Variants in PCDH15 observed in about 807,000 individuals in gnomAD.
PCDH15 encodes the protein protocadherin-15.
Under a neutral mutation model 178.5 loss-of-function variants are expected in PCDH15, and 129 were observed. That is an observed-to-expected ratio of 0.72 (90% CI 0.63 to 0.84). The LOEUF is 0.84. Among genes scored for constraint, PCDH15 ranks in the 40% least tolerant of loss-of-function variants. The pLI is 0.00. For synonymous variants in PCDH15, 800 were observed against 732.0 expected, an observed-to-expected ratio of 1.09 and a Z score of -1.50; for missense variants, 2,230 against 2,099.9, an observed-to-expected ratio of 1.06 and a Z score of -1.21.
At chr10:54,931,871 A>G (rs1837786721) in intron 2 of PCDH15, among the ~76,000 whole-genome samples, 1 of 152,146 alleles carries the variant, frequency 6.6e-6, no homozygotes, top group Admixed American at 6.6e-5. Context: ...TGCATTGTTC[A>G]GAATCATTAA....
chr10:54,796,258 C>CTATT lies in PCDH15; in HGVS notation c.-29+4666_-29+4667insAATA, dbSNP rs1361495452. On this transcript the variant is annotated intron_variant, in intron 1 of 37. Coordinates refer to ENST00000644397, the MANE Select transcript of PCDH15 (RefSeq NM_001384140.1). The stretch of plus-strand genomic sequence containing the variant: ...TCTATCTATCTATCTATCTATCTAT[C>CTATT]TATCTATCTATCTATGTATCTATGT... Among the ~76,000 whole-genome samples the CTATT allele has an allele frequency of 6.5e-5, 7 of 107,452 alleles. No individual in the cohort carries two copies. In the East Asian group the frequency reaches 1.7e-3, roughly 27 times the overall value. The allele number at this position is 107,452 out of a possible 152,430, so 70.5% of individuals were successfully genotyped here.
intron 1 of PCDH15, among the ~76,000 whole-genome samples, chr10:54,726,864 A>C (rs572660728): frequency 2.7e-4 from 41 of 151,410 alleles, no homozygotes; most frequent in Middle Eastern, 3.4e-3. Context: ...GAAAAAAAAA[A>C]CAGAGTAAAC....
rs1435590369 is a variant in PCDH15, at chr10:53,840,485, C to G, written c.3818G>C (p.Arg1273Pro). ...KIEDLTEILD[R>P]YVQEQIPGAK... ...ACCAGGAATTTGTTCCTGAACATAG[C>G]GATCCAAGATCCTATAAATCAAACA... The change falls in exon 29 of 38, where the codon CGC (arginine) becomes CCC (proline). Residue 1273 changes from arginine (R) to proline (P), a missense_variant. Physicochemically the swap from Arg to Pro is moderately radical, Grantham distance 103. Transcript: ENST00000644397. 2 of 1,613,526 alleles carry G rather than the reference C, an allele frequency of 1.2e-6. No individual in the cohort carries two copies. The highest frequency in any genetic ancestry group is 1.7e-6 in the Non-Finnish European group (2 of 1,179,696).
At chr10:54,354,108 C>T (rs946911839) in intron 5 of PCDH15, among the ~76,000 whole-genome samples, 1 of 152,186 alleles carries the variant, frequency 6.6e-6, no homozygotes, top group Admixed American at 6.5e-5. Context: ...GCCTCAGCCT[C>T]CCAAGTAGCT....
intron 26 of PCDH15, among the ~76,000 whole-genome samples, chr10:53,880,272 C>T (rs1344122880): frequency 1.3e-5 from 2 of 152,110 alleles, no homozygotes; most frequent in Admixed American, 1.3e-4. Context: ...AAATTTGCAA[C>T]AGAGCAGGAA....
chr10:55,241,113 G>A (rs1841531211), intron 1 of PCDH15, among the ~76,000 whole-genome samples: 1 of 152,116 alleles, frequency 6.6e-6, no homozygotes, highest in Non-Finnish European at 1.5e-5. Context: ...CTACTCAGGA[G>A]GCTGAGACAG....
At chr10:55,225,176 T>A (rs957823778) in intron 1 of PCDH15, among the ~76,000 whole-genome samples, 1 of 152,042 alleles carries the variant, frequency 6.6e-6, no homozygotes, top group Non-Finnish European at 1.5e-5. Flanking sequence ...GAAATAACAC[T>A]TAGTAACAAA....
intron 2 of PCDH15, among the ~76,000 whole-genome samples, chr10:54,652,170 A>G (rs531565360): frequency 1.3e-5 from 2 of 152,230 alleles, no homozygotes; most frequent in Non-Finnish European, 2.9e-5. Context: ...ATCTGGTCAC[A>G]TTTTATCTTC....
At chr10:54,155,592 G>A (rs7905574) in intron 13 of PCDH15, among the ~76,000 whole-genome samples, 50,086 of 151,704 alleles carry the variant, frequency 0.33, 8,820 homozygotes, top group African/African-American at 0.43. Context: ...GTAGTCCACC[G>A]TCAGAAAAAT....
At chr10:55,216,878 T>A (rs897141995) in intron 1 of PCDH15, among the ~76,000 whole-genome samples, 8 of 151,806 alleles carry the variant, frequency 5.3e-5, no homozygotes, top group Non-Finnish European at 4.4e-5. Flanking sequence ...TAGACATTTG[T>A]TTTTTTCTCC....
chr10:54,518,388 G>A (rs553440764), intron 3 of PCDH15, among the ~76,000 whole-genome samples: 6 of 151,962 alleles, frequency 3.9e-5, no homozygotes, highest in African/African-American at 1.2e-4. Flanking sequence ...TATCACCACC[G>A]ATCCCACAGA....
chr10:55,052,519 CG>C (rs1329389438), intron 2 of PCDH15, among the ~76,000 whole-genome samples: 3 of 642 alleles, frequency 4.7e-3, no homozygotes, highest in Non-Finnish European at 0.016. Flanking sequence ...GGCAACATGG[CG>C]AAAACCCCGT....
chr10:55,069,161 C>T (rs1370848272), intron 2 of PCDH15, among the ~76,000 whole-genome samples: 1 of 151,490 alleles, frequency 6.6e-6, no homozygotes, highest in Non-Finnish European at 1.5e-5. Flanking sequence ...CCACCTTGGC[C>T]TCTCAAAGTG....
chr10:54,492,211 C>A (rs928733102), intron 3 of PCDH15, among the ~76,000 whole-genome samples: 1 of 152,126 alleles, frequency 6.6e-6, no homozygotes, highest in African/African-American at 2.4e-5. Context: ...ACGTGTCAAC[C>A]TGAACAGACA....
chr10:54,053,618 A>T (rs2093823982), intron 18 of PCDH15, among the ~76,000 whole-genome samples: 1 of 152,156 alleles, frequency 6.6e-6, no homozygotes, highest in South Asian at 2.1e-4. Flanking sequence ...AAAATGGAGA[A>T]AAAGAAAATC....
At chr10:54,844,419 T>G (rs1953469462) in intron 3 of PCDH15, among the ~76,000 whole-genome samples, 1 of 151,990 alleles carries the variant, frequency 6.6e-6, no homozygotes, top group African/African-American at 2.4e-5. Flanking sequence ...AACAGAAATT[T>G]AGGCATATGC....
chr10:54,172,330 C>T (rs1359182002), intron 13 of PCDH15, among the ~76,000 whole-genome samples: 3 of 151,904 alleles, frequency 2.0e-5, no homozygotes, highest in African/African-American at 4.8e-5. Flanking sequence ...CGCCAGAGAA[C>T]AAACCCCCTT....
intron 2 of PCDH15, among the ~76,000 whole-genome samples, chr10:54,622,741 A>C (rs1484435637): frequency 2.5e-5 from 1 of 40,496 alleles, no homozygotes; most frequent in Non-Finnish European, 5.5e-5. Flanking sequence ...AATTATATAT[A>C]TATTATATAT....
At chr10:54,951,927 T>C (rs946859213) in intron 2 of PCDH15, among the ~76,000 whole-genome samples, 2 of 151,854 alleles carry the variant, frequency 1.3e-5, no homozygotes, top group Non-Finnish European at 2.9e-5. Context: ...TAATTATTTA[T>C]ATATTTGGAA....
Sources: allele counts gnomAD v4.1 joint callset (sites outside exome capture counted in the v4.1 genomes callset), GRCh38; gene constraint gnomAD v4.1.1; transcripts MANE v1.5; gene names NCBI Gene and HGNC (gene_info 2026-07-23, HGNC 2026-07-21).